The following CELF4 variants were observed in gnomAD, a reference collection of about 807,000 sequenced individuals.
CELF4 encodes CUGBP Elav-like family member 4, also known as CUG-BP- and ETR-3-like factor 4.
A neutral mutation model predicts 59.9 loss-of-function variants in CELF4; 18 were observed. The ratio of observed to expected loss-of-function variants is 0.30; its 90% CI spans 0.21 to 0.45. The LOEUF is 0.45. Ranked by LOEUF, CELF4 falls within the 20% of genes least tolerant of loss-of-function variation. CELF4 has a pLI of 1.00. For missense variants in CELF4, 456 were observed against 689.0 expected, an observed-to-expected ratio of 0.66 and a Z score of 3.79; for synonymous variants, 261 against 267.1, an observed-to-expected ratio of 0.98 and a Z score of 0.22.
intron 11 of CELF4, among the ~76,000 whole-genome samples, chr18:37,256,807 A>G (rs2069873617): frequency 6.6e-6 from 1 of 151,962 alleles, no homozygotes; most frequent in Non-Finnish European, 1.5e-5. Flanking sequence ...CTGGTCTCGA[A>G]CTCCTGACCT....
chr18:37,382,951 C>T (rs974629860), intron 2 of CELF4, among the ~76,000 whole-genome samples: 6 of 151,990 alleles, frequency 3.9e-5, no homozygotes, highest in Non-Finnish European at 5.9e-5. Flanking sequence ...CAGTTCCCAT[C>T]GTTAGAGCTG....
chr18:37,318,503 T>C (rs2096950339), intron 3 of CELF4, among the ~76,000 whole-genome samples: 1 of 151,934 alleles, frequency 6.6e-6, no homozygotes, highest in Non-Finnish European at 1.5e-5. Context: ...TAAATTATTT[T>C]AAACTAACTT....
At chr18:37,436,772 G>A (rs961754592) in intron 2 of CELF4, among the ~76,000 whole-genome samples, 4 of 152,066 alleles carry the variant, frequency 2.6e-5, no homozygotes, top group South Asian at 2.1e-4. Flanking sequence ...GAGGGAAGTC[G>A]GGGCACTTCT....
chr18:37,328,287 C>T (rs1347265251), intron 2 of CELF4, among the ~76,000 whole-genome samples: 1 of 152,208 alleles, frequency 6.6e-6, no homozygotes, highest in Non-Finnish European at 1.5e-5. Context: ...AGCAGGTTCT[C>T]AGCAAAGGTC....
At chr18:37,505,249 G>A (rs2099936486) in intron 1 of CELF4, among the ~76,000 whole-genome samples, 1 of 152,246 alleles carries the variant, frequency 6.6e-6, no homozygotes, top group African/African-American at 2.4e-5. Flanking sequence ...GGTGACTGGG[G>A]CCAGCCAGGC....
chr18:37,407,926 T>C (rs1196608843), intron 2 of CELF4, among the ~76,000 whole-genome samples: 3 of 97,754 alleles, frequency 3.1e-5, no homozygotes, highest in African/African-American at 8.1e-5. Context: ...TAATCAAATC[T>C]GCTCTGTACC....
At chr18:37,265,072 G>T (rs1235215155) in intron 9 of CELF4, among the ~76,000 whole-genome samples, 1 of 148,772 alleles carries the variant, frequency 6.7e-6, no homozygotes, top group African/African-American at 2.4e-5. Flanking sequence ...AAGTGTGGGT[G>T]TACGTGTGTG....
chr18:37,480,073 A>C (rs543720534), intron 2 of CELF4, among the ~76,000 whole-genome samples: 1 of 152,232 alleles, frequency 6.6e-6, no homozygotes, highest in Non-Finnish European at 1.5e-5. Flanking sequence ...TGGGACTGCC[A>C]GCCTCCAGAA....
chr18:37,433,256 G>A (rs1420757256), intron 2 of CELF4, among the ~76,000 whole-genome samples: 1 of 152,114 alleles, frequency 6.6e-6, no homozygotes, highest in Non-Finnish European at 1.5e-5. Context: ...TTTTTGCACA[G>A]ATAAAGTGAC....
intron 2 of CELF4, among the ~76,000 whole-genome samples, chr18:37,423,930 C>T (rs1050880092): frequency 3.3e-5 from 5 of 151,938 alleles, no homozygotes; most frequent in African/African-American, 4.8e-5. Context: ...CCATCTCTTC[C>T]TCATCTCTGA....
rs569085912 is a variant in CELF4, at chr18:37,441,059, C to T, written c.369+44466G>A. Among the ~76,000 whole-genome samples the T allele has an allele frequency of 4.6e-5, 7 of 152,308 alleles. No homozygotes were observed. In the East Asian group the frequency reaches 1.2e-3, roughly 25 times the overall value. On this transcript the variant is annotated intron_variant, in intron 2 of 12. Transcript: ENST00000420428. ...TATCTGCCGCTGCTGATACCTAGAC[C>T]GTTCTTGCCTTGAGATCATTTTCAG...
intron 3 of CELF4, among the ~76,000 whole-genome samples, chr18:37,303,886 T>A (rs980262882): frequency 5.9e-5 from 9 of 152,194 alleles, no homozygotes; most frequent in Non-Finnish European, 1.0e-4. Flanking sequence ...CTCCTGGCCG[T>A]AGGCATCCCA....
chr18:37,545,159 C>G (rs1385156998), intron 1 of CELF4, among the ~76,000 whole-genome samples: 1 of 152,236 alleles, frequency 6.6e-6, no homozygotes, highest in South Asian at 2.1e-4. Flanking sequence ...CAGTGCCCAA[C>G]AGCAGCTTGC....
intron 3 of CELF4, among the ~76,000 whole-genome samples, chr18:37,281,624 G>A (rs1207256076): frequency 6.6e-6 from 1 of 152,150 alleles, no homozygotes; most frequent in Non-Finnish European, 1.5e-5. Context: ...CAGTTTGGGG[G>A]TGCAGAGAAA....
intron 1 of CELF4, among the ~76,000 whole-genome samples, chr18:37,539,833 A>G (rs2099976503): frequency 6.6e-6 from 1 of 152,198 alleles, no homozygotes; most frequent in African/African-American, 2.4e-5. Context: ...GTAAATAGCC[A>G]CACACCGCTG....
At chr18:37,289,783 T>A (rs973464587) in intron 3 of CELF4, among the ~76,000 whole-genome samples, 1 of 152,148 alleles carries the variant, frequency 6.6e-6, no homozygotes, top group Non-Finnish European at 1.5e-5. Flanking sequence ...GTGGCGCAGG[T>A]GAGGCTGGAC....
At chr18:37,517,377 G>A (rs186176638) in intron 1 of CELF4, among the ~76,000 whole-genome samples, 4 of 152,212 alleles carry the variant, frequency 2.6e-5, no homozygotes, top group Admixed American at 2.6e-4. Flanking sequence ...TTGGCATATG[G>A]TGATGTGGTT....
chr18:37,295,939 G>A (rs1468330941), intron 3 of CELF4, among the ~76,000 whole-genome samples: 1 of 152,238 alleles, frequency 6.6e-6, no homozygotes, highest in Non-Finnish European at 1.5e-5. Flanking sequence ...AGATGTGGTA[G>A]TGTGAGATTG....
rs981297623 is a variant in CELF4, at chr18:37,552,229, G to A, written c.286+13127C>T. On this transcript the variant is annotated intron_variant, in intron 1 of 12. Transcript: ENST00000420428. Reference sequence around the variant, plus strand: ...CAAGTTATCTTGTGGCAGTGAAAGCGGGTCCCCCACCTTGTCGGAACAGAG... The same window carrying A: ...CAAGTTATCTTGTGGCAGTGAAAGCAGGTCCCCCACCTTGTCGGAACAGAG... Among the ~76,000 whole-genome samples, 5 of 152,210 alleles carry A rather than the reference G, an allele frequency of 3.3e-5. No individual in the cohort carries two copies. The South Asian group carries it at 1.0e-3, about 32-fold the overall frequency.
Sources: gnomAD v4.1 joint callset for allele counts (sites outside exome capture counted in the v4.1 genomes callset) on GRCh38, gnomAD v4.1.1 for gene constraint, MANE v1.5 for transcripts, NCBI Gene and HGNC (gene_info 2026-07-23, HGNC 2026-07-21) for gene names.